The following CDKAL1 variants were observed in gnomAD, a reference collection of about 807,000 sequenced individuals.
CDKAL1 encodes CDKAL1 threonylcarbamoyladenosine tRNA methylthiotransferase.
In CDKAL1, 32 loss-of-function variants were observed where a neutral mutation model predicts 68.2. The observed-to-expected ratio is 0.47, with a 90% CI of 0.35 to 0.63. The LOEUF is 0.63. CDKAL1 is among the 30% of genes least tolerant of loss of function. CDKAL1 has a pLI of 0.00. For missense variants in CDKAL1, 606 were observed against 696.7 expected, an observed-to-expected ratio of 0.87 and a Z score of 1.47; for synonymous variants, 234 against 244.3, an observed-to-expected ratio of 0.96 and a Z score of 0.39.
chr6:21,187,113 C>A (rs1778046341), intron 13 of CDKAL1, among the ~76,000 whole-genome samples: 1 of 152,176 alleles, frequency 6.6e-6, no homozygotes, highest in African/African-American at 2.4e-5. Flanking sequence ...TGTTTGATAA[C>A]ACATCTCAAT....
At chr6:20,945,812 T>C (rs1220096902) in intron 9 of CDKAL1, among the ~76,000 whole-genome samples, 2 of 152,360 alleles carry the variant, frequency 1.3e-5, no homozygotes, top group Non-Finnish European at 1.5e-5. Context: ...TCCTTTTATT[T>C]ATTTCTATTT....
At chr6:21,001,190 C>T (rs546954970) in intron 11 of CDKAL1, among the ~76,000 whole-genome samples, 7 of 152,254 alleles carry the variant, frequency 4.6e-5, no homozygotes, top group African/African-American at 1.7e-4. Context: ...ACATTTTTTC[C>T]ATAGCCTTTT....
rs1289371993 is a variant in CDKAL1, at chr6:20,992,194, T to A, written c.910-8033T>A. Among the ~76,000 whole-genome samples, 22 of 133,598 alleles carry A rather than the reference T, an allele frequency of 1.6e-4. 1 individual carries two copies. Among genetic ancestry groups the A allele is most frequent in the African/African-American group, 6.7e-4 (19 of 28,480 alleles). The allele number at this position is 133,598 out of a possible 152,430, so 87.6% of individuals were successfully genotyped here. A position where few individuals can be genotyped will look rare whatever the true frequency, so the allele number is the denominator to read the frequency against. The stretch of plus-strand genomic sequence containing the variant: ...AGGCACACGTGACCATAGTCAGCTT[T>A]TTTATATATATATATATGTATTTTG... On this transcript the variant is annotated intron_variant, in intron 10 of 15. Transcript: ENST00000274695.
chr6:20,780,119 A>AAAAAAAAAAAAAAAAAAAG (rs1561771085), intron 7 of CDKAL1, among the ~76,000 whole-genome samples: 1 of 147,476 alleles, frequency 6.8e-6, no homozygotes. Context: ...AAAAAAAAAA[A>AAAAAAAAAAAAAAAAAAAG]AGACAAAATG....
At chr6:20,811,428 G>C (rs996140153) in intron 8 of CDKAL1, among the ~76,000 whole-genome samples, 14 of 152,148 alleles carry the variant, frequency 9.2e-5, no homozygotes, top group African/African-American at 3.4e-4. Context: ...TGTGTCTTAA[G>C]TATCTTTTTG....
intron 8 of CDKAL1, among the ~76,000 whole-genome samples, chr6:20,838,860 A>G (rs1282041589): frequency 6.6e-6 from 1 of 152,046 alleles, no homozygotes; most frequent in African/African-American, 2.4e-5. Flanking sequence ...CTGTAGTCCC[A>G]GCTACTTGGG....
intron 13 of CDKAL1, among the ~76,000 whole-genome samples, chr6:21,141,472 C>T (rs2151035113): frequency 6.6e-6 from 1 of 152,310 alleles, no homozygotes; most frequent in East Asian, 1.9e-4. Flanking sequence ...CTAAAACCTA[C>T]TTAAGAATAA....
At chr6:20,914,351 T>C (rs1762623775) in intron 9 of CDKAL1, among the ~76,000 whole-genome samples, 2 of 152,130 alleles carry the variant, frequency 1.3e-5, no homozygotes. Context: ...CTCAGAAAGG[T>C]CTTGCCTGTC....
intron 7 of CDKAL1, chr6:20,772,751 G>T (rs1288120644): frequency 6.6e-6 from 1 of 152,102 alleles, no homozygotes; most frequent in Admixed American, 6.5e-5. Context: ...AGATTATAGA[G>T]TAGGTACTTT....
intron 4 of CDKAL1, among the ~76,000 whole-genome samples, chr6:20,566,206 C>T (rs1307617071): frequency 9.9e-5 from 15 of 152,190 alleles, no homozygotes; most frequent in Non-Finnish European, 1.9e-4. Flanking sequence ...ATTATATATT[C>T]GTTATGAAAG....
chr6:20,694,286 T>C (rs916007330), intron 5 of CDKAL1, among the ~76,000 whole-genome samples: 2 of 152,118 alleles, frequency 1.3e-5, no homozygotes, highest in Non-Finnish European at 2.9e-5. Flanking sequence ...CAAGCAGTCC[T>C]CCTGCCTCGG....
intron 5 of CDKAL1, among the ~76,000 whole-genome samples, chr6:20,650,338 G>GT (rs1286266231): frequency 2.0e-5 from 3 of 152,156 alleles, no homozygotes; most frequent in Non-Finnish European, 2.9e-5. Context: ...TTTTTCATAT[G>GT]TTTTTTTGCT....
intron 9 of CDKAL1, among the ~76,000 whole-genome samples, chr6:20,914,098 G>A (rs6914232): frequency 0.24 from 35,885 of 151,936 alleles, 4,429 homozygotes; most frequent in African/African-American, 0.29. Flanking sequence ...GACCACCCTG[G>A]CTAACACAGT....
At chr6:20,884,380 A>G (rs1485416837) in intron 9 of CDKAL1, among the ~76,000 whole-genome samples, 1 of 152,220 alleles carries the variant, frequency 6.6e-6, no homozygotes, top group East Asian at 1.9e-4. Flanking sequence ...ATTTCTGAAA[A>G]ACTCACGATT....
At chr6:21,109,950 C>A (rs1774039761) in intron 13 of CDKAL1, among the ~76,000 whole-genome samples, 1 of 152,196 alleles carries the variant, frequency 6.6e-6, no homozygotes, top group Non-Finnish European at 1.5e-5. Flanking sequence ...CTTAATGGAA[C>A]CTAGCCATTT....
At chr6:20,764,846 C>T (rs1774624087) in intron 7 of CDKAL1, among the ~76,000 whole-genome samples, 1 of 152,102 alleles carries the variant, frequency 6.6e-6, no homozygotes, top group Non-Finnish European at 1.5e-5. Context: ...TGAAAGAACA[C>T]TTGTATGCAT....
At chr6:21,026,854 T>C (rs189868084) in intron 11 of CDKAL1, among the ~76,000 whole-genome samples, 1 of 152,298 alleles carries the variant, frequency 6.6e-6, no homozygotes, top group East Asian at 1.9e-4. Context: ...TTATTTTGTC[T>C]ATTTACCATA....
intron 9 of CDKAL1, among the ~76,000 whole-genome samples, chr6:20,928,162 T>C (rs1254770716): frequency 2.0e-5 from 3 of 152,090 alleles, no homozygotes; most frequent in Non-Finnish European, 4.4e-5. Flanking sequence ...CCTCAGCTGA[T>C]GGAGTGATCG....
chr6:20,710,110 GT>G (rs1213941081), intron 5 of CDKAL1, among the ~76,000 whole-genome samples: 1 of 152,018 alleles, frequency 6.6e-6, no homozygotes, highest in Non-Finnish European at 1.5e-5. Context: ...GAGTAATTAG[GT>G]TTATAACCAA....
Sources: allele counts gnomAD v4.1 joint callset (sites outside exome capture counted in the v4.1 genomes callset), GRCh38; gene constraint gnomAD v4.1.1; transcripts MANE v1.5; gene names NCBI Gene and HGNC (gene_info 2026-07-23, HGNC 2026-07-21).